TSHZ2: variants seen among roughly 807,000 people sequenced by gnomAD.
The protein encoded by TSHZ2 is teashirt zinc finger homeobox 2, also known as teashirt homolog 2.
A neutral mutation model predicts 74.4 loss-of-function variants in TSHZ2; 21 were observed. The ratio of observed to expected loss-of-function variants is 0.28; its 90% confidence interval spans 0.20 to 0.41. TSHZ2 has a LOEUF of 0.41. Among genes scored for constraint, TSHZ2 ranks in the 10% least tolerant of loss-of-function variants. The pLI is 1.00. For synonymous variants in TSHZ2, 540 were observed against 515.3 expected, an observed-to-expected ratio of 1.05 and a Z score of -0.65; for missense variants, 1,244 against 1,293.5, an observed-to-expected ratio of 0.96 and a Z score of 0.59.
chr20:53,228,028 T>G (rs1026676055), intron 1 of TSHZ2, among the ~76,000 whole-genome samples: 14 of 150,592 alleles, frequency 9.3e-5, no homozygotes, highest in Middle Eastern at 3.4e-3. Flanking sequence ...TGTTTTTTTT[T>G]TTTTTTTTTT....
At chr20:53,332,272 G>C (rs916850379) in intron 2 of TSHZ2, among the ~76,000 whole-genome samples, 2 of 152,182 alleles carry the variant, frequency 1.3e-5, no homozygotes, top group African/African-American at 4.8e-5. Context: ...TCCTAGCCTA[G>C]TCTTGGAGGT....
At chr20:53,412,693 T>G (rs1222245883) in intron 2 of TSHZ2, 1 of 152,162 alleles carries the variant, frequency 6.6e-6, no homozygotes, top group Non-Finnish European at 1.5e-5. Context: ...CTTCAGCCCC[T>G]GACTAAGGGA....
chr20:52,974,445 C>T (rs1175395833), intron 1 of TSHZ2, among the ~76,000 whole-genome samples: 3 of 152,118 alleles, frequency 2.0e-5, no homozygotes, highest in Non-Finnish European at 2.9e-5. Context: ...TTAATGTGGG[C>T]GTTTTTATTT....
chr20:53,220,496 G>T (rs1989528319), intron 1 of TSHZ2, among the ~76,000 whole-genome samples: 1 of 152,118 alleles, frequency 6.6e-6, no homozygotes, highest in Non-Finnish European at 1.5e-5. Context: ...CCCATGTCAG[G>T]GTTAGCTCAT....
At chr20:53,392,453 CA>C (rs1236229800) in intron 2 of TSHZ2, among the ~76,000 whole-genome samples, 4 of 150,094 alleles carry the variant, frequency 2.7e-5, no homozygotes, top group East Asian at 2.0e-4. Context: ...CAAAAACAAA[CA>C]AAAAAAAATG....
At position 53,256,305 on chromosome 20, in the gene TSHZ2, G is replaced by A. The variant is rs1990479772; in HGVS notation, c.2847G>A (p.Leu949=). 2.5e-6 allele frequency: 4 copies of A among 1,614,088 alleles called. No individual in the cohort carries two copies. In the East Asian group the frequency reaches 8.9e-5, roughly 36 times the overall value. Residue 949 remains leucine (L), a synonymous_variant, in exon 2 of 3, where the codon CTG becomes CTA. Coordinates refer to ENST00000371497, the MANE Select transcript of TSHZ2 (RefSeq NM_173485.6). This position sits in a 1 kb window ranked among gnomAD's most constrained non-coding sequence, Gnocchi z 4.3. ...STYISHLESH[L]GFQMKDMTRL... Reference sequence around the variant, plus strand: ...ACATCAGTCACTTAGAATCTCACCTGGGTTTCCAAATGAAGGACATGACCC... The same window carrying A: ...ACATCAGTCACTTAGAATCTCACCTAGGTTTCCAAATGAAGGACATGACCC...
chr20:53,149,625 A>G (rs79609014), intron 1 of TSHZ2, among the ~76,000 whole-genome samples: 1 of 152,310 alleles, frequency 6.6e-6, no homozygotes, highest in Admixed American at 6.5e-5. Flanking sequence ...CCGTAACAGG[A>G]AACCTCTTTA....
chr20:53,256,188 G>T lies in TSHZ2; in HGVS notation c.2730G>T (p.Thr910=), dbSNP rs372585322. 5.6e-6 allele frequency: 9 copies of T among 1,612,672 alleles called. No homozygotes were observed. The South Asian group carries it at 6.6e-5, about 12-fold the overall frequency. Residue 910 remains threonine, a synonymous_variant, in exon 2 of 3, where the codon ACG becomes ACT. Transcript: ENST00000371497. The surrounding 1 kb of genome is among the most constrained non-coding windows in gnomAD (Gnocchi z 4.3). The part of the protein sequence containing the change: ...LANVKYQLRK[T]GGTKFLKNMD... The stretch of plus-strand genomic sequence containing the variant: ...ACGTCAAGTACCAGCTTAGGAAAAC[G>T]GGCGGGACAAAATTTCTGAAAAACA...
In TSHZ2 at chr20:53,381,952, CTT is replaced by C. The variant is rs369421827; in HGVS notation, c.*9-105187_*9-105186del. ...CTTTCTTCTCTGTTGAGCTCTGTAC[CTT>C]TTTTGGGGACAAGGAAAATGTTGGC... On this transcript the variant is annotated intron_variant, in intron 2 of 2. Transcript: ENST00000371497. Among the ~76,000 whole-genome samples the C allele has an allele frequency of 1.4e-4, 22 of 152,278 alleles. 1 individual carries two copies. The South Asian group carries it at 4.1e-3, about 29-fold the overall frequency.
At chr20:53,196,317 C>T (rs1988864211) in intron 1 of TSHZ2, 1 of 140,990 alleles carries the variant, frequency 7.1e-6, no homozygotes, top group African/African-American at 2.6e-5. Context: ...TTCTGCAAAT[C>T]TTGTTCAGGC....
At chr20:53,484,101 C>T (rs1986229286) in intron 2 of TSHZ2, among the ~76,000 whole-genome samples, 1 of 152,184 alleles carries the variant, frequency 6.6e-6, no homozygotes, top group African/African-American at 2.4e-5. Context: ...CTTCTTCCAA[C>T]CACATGATCA....
chr20:53,355,138 G>C (rs1157676648), intron 2 of TSHZ2, among the ~76,000 whole-genome samples: 1 of 152,066 alleles, frequency 6.6e-6, no homozygotes, highest in African/African-American at 2.4e-5. Flanking sequence ...CTGTCCCATA[G>C]AGCTTAAATT....
intron 2 of TSHZ2, among the ~76,000 whole-genome samples, chr20:53,350,454 A>G (rs1270056096): frequency 6.6e-6 from 1 of 152,198 alleles, no homozygotes; most frequent in African/African-American, 2.4e-5. Flanking sequence ...GTTATGTTTG[A>G]CCAGCAACCC....
intron 1 of TSHZ2, among the ~76,000 whole-genome samples, chr20:53,169,095 A>C (rs1471337672): frequency 6.6e-6 from 1 of 152,210 alleles, no homozygotes; most frequent in Non-Finnish European, 1.5e-5. Flanking sequence ...AGGTTCAGGA[A>C]TCTGTAATTT....
chr20:53,461,198 A>G (rs4390819), intron 2 of TSHZ2, among the ~76,000 whole-genome samples: 85,358 of 150,142 alleles, frequency 0.57, 24,560 homozygotes, highest in African/African-American at 0.68. Flanking sequence ...GCGAGACTCC[A>G]TGGGCGTAGG....
intron 2 of TSHZ2, among the ~76,000 whole-genome samples, chr20:53,292,465 T>C (rs1015478761): frequency 8.1e-5 from 11 of 135,670 alleles, no homozygotes; most frequent in African/African-American, 3.1e-4. Context: ...TTTTTTTTTT[T>C]GAGACAGGGT....
chr20:53,140,989 G>A (rs1987384928), intron 1 of TSHZ2, among the ~76,000 whole-genome samples: 1 of 151,842 alleles, frequency 6.6e-6, no homozygotes, highest in East Asian at 1.9e-4. Context: ...AGAACTTTCT[G>A]GAGGTTCCTC....
At chr20:52,996,258 G>A (rs1055835920) in intron 1 of TSHZ2, among the ~76,000 whole-genome samples, 3 of 151,964 alleles carry the variant, frequency 2.0e-5, no homozygotes, top group Non-Finnish European at 2.9e-5. Flanking sequence ...GATCACTGTA[G>A]CATCTTTTTG....
At chr20:53,019,487 T>C (rs927912949) in intron 1 of TSHZ2, among the ~76,000 whole-genome samples, 4 of 152,052 alleles carry the variant, frequency 2.6e-5, no homozygotes, top group Admixed American at 6.5e-5. Flanking sequence ...TACAGTTTCT[T>C]ACTGAGGAAA....
Sources: gnomAD v4.1 joint callset for allele counts (sites outside exome capture counted in the v4.1 genomes callset) on GRCh38, gnomAD v4.1.1 for gene constraint, Gnocchi (gnomAD v3.1) non-coding constraint, MANE v1.5 for transcripts, NCBI Gene and HGNC (gene_info 2026-07-23, HGNC 2026-07-21) for gene names.